The following MYO18B variants were observed in gnomAD, a reference collection of about 807,000 sequenced individuals.
MYO18B encodes unconventional myosin-XVIIIb.
A neutral mutation model predicts 273.0 loss-of-function variants in MYO18B; 204 were observed. The ratio of observed to expected loss-of-function variants is 0.75; its 90% CI spans 0.67 to 0.84. The LOEUF is 0.84. Ranked by LOEUF, MYO18B falls within the 40% of genes least tolerant of loss-of-function variation. The pLI is 0.00. For missense variants in MYO18B, 3,212 were observed against 3,287.6 expected (o/e 0.98, Z 0.56); for synonymous variants, 1,330 against 1,305.7 (o/e 1.02, Z -0.40).
At chr22:25,949,012 G>T (rs1157378249) in intron 36 of MYO18B, among the ~76,000 whole-genome samples, 8 of 152,104 alleles carry the variant, frequency 5.3e-5, no homozygotes, top group African/African-American at 1.9e-4. Flanking sequence ...ACTGAAAGGA[G>T]ACCAGTGAGG....
At chr22:25,891,661 A>C (rs1322929687) in intron 27 of MYO18B, among the ~76,000 whole-genome samples, 2 of 152,220 alleles carry the variant, frequency 1.3e-5, no homozygotes, top group Admixed American at 1.3e-4. Flanking sequence ...TTTAGTTTTA[A>C]TGCAAAGAAT....
intron 33 of MYO18B, among the ~76,000 whole-genome samples, chr22:25,917,665 T>G (rs899622959): frequency 3.9e-5 from 6 of 151,998 alleles, no homozygotes; most frequent in Non-Finnish European, 8.8e-5. Context: ...AAAAATTTAA[T>G]TTATTTACAT....
At chr22:25,947,870 G>C (rs1391693928) in intron 36 of MYO18B, 42 bp downstream of exon 36, 1 of 1,495,900 alleles carries the variant, frequency 6.7e-7, no homozygotes, top group Non-Finnish European at 9.3e-7. Flanking sequence ...AGGGACTTGG[G>C]GTGGGGTGAA....
At chr22:25,807,261 C>T (rs1434391837) in intron 12 of MYO18B, among the ~76,000 whole-genome samples, 1 of 152,150 alleles carries the variant, frequency 6.6e-6, no homozygotes, top group South Asian at 2.1e-4. Context: ...GCAGAAGGCC[C>T]GAGAGGCCAA....
chr22:25,949,440 T>C (rs538019238), intron 36 of MYO18B, among the ~76,000 whole-genome samples: 2 of 152,040 alleles, frequency 1.3e-5, no homozygotes, highest in East Asian at 3.9e-4. Context: ...AGCTGAGGGG[T>C]ATGATGTGGA....
chr22:26,015,619 A>G (rs2146964243), intron 42 of MYO18B, among the ~76,000 whole-genome samples: 1 of 152,280 alleles, frequency 6.6e-6, no homozygotes, highest in South Asian at 2.1e-4. Flanking sequence ...ATGGACACAT[A>G]GAGGGGAACA....
At chr22:25,807,489 C>G (rs183103815) in intron 12 of MYO18B, among the ~76,000 whole-genome samples, 6 of 152,276 alleles carry the variant, frequency 3.9e-5, no homozygotes, top group Admixed American at 3.3e-4. Context: ...GAGGTTTTGG[C>G]TTGGGGTCTC....
At chr22:25,800,888 T>A (rs904541816) in intron 12 of MYO18B, among the ~76,000 whole-genome samples, 1 of 152,254 alleles carries the variant, frequency 6.6e-6, no homozygotes, top group Non-Finnish European at 1.5e-5. Flanking sequence ...TTACTAATAC[T>A]TGATGATGGC....
intron 42 of MYO18B, among the ~76,000 whole-genome samples, chr22:26,014,865 A>AAAG (rs1413262718): frequency 6.6e-6 from 1 of 151,388 alleles, no homozygotes; most frequent in African/African-American, 2.4e-5. Flanking sequence ...CTTCTTTTTA[A>AAAG]AAGTGTCTGT....
chr22:25,768,517 G>C lies in MYO18B; in HGVS notation c.601G>C (p.Gly201Arg). The change falls in exon 4 of 44, where the codon GGC becomes CGC. Residue 201 changes from glycine (G) to arginine (R), a missense_variant. By Grantham distance (125) the Gly-to-Arg change is moderately radical (BLOSUM62 -2). Transcript: ENST00000335473. ...AGGGGAGACCTCTAGGACTCCTTGTGGCTCCCAGGCCAGCACCGAGATCTT... is the reference window on the plus strand; with the variant it reads ...AGGGGAGACCTCTAGGACTCCTTGTCGCTCCCAGGCCAGCACCGAGATCTT... ...KKGETSRTPC[G>R]SQASTEILAP... 6.3e-7 allele frequency: 1 copy of C among 1,580,388 alleles called. No individual in the cohort carries two copies. Among genetic ancestry groups the C allele is most frequent in the Non-Finnish European group, 8.6e-7 (1 of 1,164,338 alleles).
chr22:25,884,853 C>T (rs1235057105), intron 25 of MYO18B: 2 of 152,120 alleles, frequency 1.3e-5, no homozygotes, highest in African/African-American at 4.8e-5. Flanking sequence ...AGTAAAATGG[C>T]AATGGTAATC....
intron 28 of MYO18B, 37 bp from the exon 29 acceptor site, chr22:25,898,270 C>T (rs1274437555): frequency 6.3e-7 from 1 of 1,594,930 alleles, no homozygotes; most frequent in Non-Finnish European, 8.5e-7. Flanking sequence ...CGTTCCATGC[C>T]CACAGAGCCG....
At chr22:26,021,068 G>T (rs1038507133) in intron 42 of MYO18B, among the ~76,000 whole-genome samples, 6 of 152,190 alleles carry the variant, frequency 3.9e-5, no homozygotes, top group African/African-American at 1.4e-4. Flanking sequence ...CAGCCTGGGT[G>T]ATAGAGCAAG....
chr22:25,768,672 G>A lies in MYO18B; in HGVS notation c.756G>A (p.Glu252=), dbSNP rs1234890725. 6.5e-7 allele frequency: 1 copy of A among 1,545,778 alleles called. No homozygotes were observed. The highest frequency in any genetic ancestry group is 1.3e-5 in the South Asian group (1 of 77,544). Residue 252 remains glutamate, a synonymous_variant, in exon 4 of 44, where the codon GAG becomes GAA. Transcript: ENST00000335473. ...GGCTTGGGACCCCCAAGACCACAGA[G>A]CTGAAAGAGGCTGAGCCCCAGGGCA... ...GKGLGTPKTT[E]LKEAEPQGKD...
At chr22:25,931,664 C>CT (rs948492066) in intron 34 of MYO18B, among the ~76,000 whole-genome samples, 10 of 142,242 alleles carry the variant, frequency 7.0e-5, no homozygotes, top group Middle Eastern at 3.7e-3. Context: ...TATGCCTTTT[C>CT]TTTTTTTTTC....
chr22:25,922,697 T>A (rs1480005284), intron 34 of MYO18B, among the ~76,000 whole-genome samples: 1 of 152,118 alleles, frequency 6.6e-6, no homozygotes, highest in East Asian at 1.9e-4. Context: ...TGCCCTTCTC[T>A]CTTCCTTCTG....
At chr22:25,857,313 C>T (rs1230193461) in intron 21 of MYO18B, among the ~76,000 whole-genome samples, 1 of 152,224 alleles carries the variant, frequency 6.6e-6, no homozygotes, top group Non-Finnish European at 1.5e-5. Flanking sequence ...TGCCCTCCTC[C>T]CCGCAAAGTG....
At chr22:25,825,294 G>T (rs1462436757) in intron 13 of MYO18B, among the ~76,000 whole-genome samples, 1 of 152,150 alleles carries the variant, frequency 6.6e-6, no homozygotes, top group Non-Finnish European at 1.5e-5. Context: ...CAGGTTGGGG[G>T]TGGATTCAGA....
chr22:25,834,293 T>G (rs982247789), intron 16 of MYO18B, among the ~76,000 whole-genome samples: 1 of 151,998 alleles, frequency 6.6e-6, no homozygotes, highest in Non-Finnish European at 1.5e-5. Context: ...ATTACAGGCA[T>G]GCACCACCAC....
Sources: gnomAD v4.1 joint callset for allele counts (sites outside exome capture counted in the v4.1 genomes callset) on GRCh38, gnomAD v4.1.1 for gene constraint, MANE v1.5 for transcripts, NCBI Gene and HGNC (gene_info 2026-07-23, HGNC 2026-07-21) for gene names.